ME1: variants seen among roughly 807,000 people sequenced by gnomAD.
The protein encoded by ME1 is malic enzyme 1, also known as NADP-dependent malic enzyme.
ME1 carries 74 observed loss-of-function variants against 66.4 expected under a neutral mutation model. That is an observed-to-expected ratio of 1.11 (90% CI 0.92 to 1.35). The LOEUF is 1.35. ME1 is among the 40% of genes most tolerant of loss of function. The probability of loss-of-function intolerance (pLI) is 0.00; values close to 1 mark genes in which losing one functional copy is unlikely to be tolerated. For synonymous variants in ME1, 251 were observed against 235.6 expected (o/e 1.07, Z -0.60); for missense variants, 750 against 694.1 (o/e 1.08, Z -0.90).
At position 83,299,129 on chromosome 6, in the gene ME1, G is replaced by A. The variant is rs563924234; in HGVS notation, c.704+16181C>T. Among the ~76,000 whole-genome samples, 21 of 151,558 alleles carry A rather than the reference G, an allele frequency of 1.4e-4. No individual in the cohort carries two copies. The South Asian group carries it at 4.2e-3, about 30-fold the overall frequency. ...TTTTAAAGTAGCTTTTTCTAGTTCT[G>A]TGAAGAATGTCAATGGTAGTTTAAT... On this transcript the variant is annotated intron_variant, in intron 6 of 13. Transcript: ENST00000369705.
intron 6 of ME1, among the ~76,000 whole-genome samples, chr6:83,286,986 A>G (rs1186155951): frequency 6.6e-6 from 1 of 152,212 alleles, no homozygotes. Flanking sequence ...TACTATAGGT[A>G]TTAGTCCAAG....
At chr6:83,234,580 G>A (rs1790363047) in intron 9 of ME1, among the ~76,000 whole-genome samples, 1 of 152,092 alleles carries the variant, frequency 6.6e-6, no homozygotes, top group Non-Finnish European at 1.5e-5. Context: ...CAGTTACTAA[G>A]TATGCCACTT....
chr6:83,331,732 C>T (rs1768415643), intron 5 of ME1, among the ~76,000 whole-genome samples: 1 of 152,086 alleles, frequency 6.6e-6, no homozygotes, highest in African/African-American at 2.4e-5. Flanking sequence ...TGATCTTGGA[C>T]TTCCAGCCCC....
In ME1 at chr6:83,315,394, A is replaced by G; in HGVS notation, c.620T>C (p.Leu207Pro). 1.9e-6 allele frequency: 3 copies of G among 1,600,644 alleles called. No individual in the cohort carries two copies. The highest frequency in any genetic ancestry group is 2.6e-6 in the Non-Finnish European group (3 of 1,173,728). Residue 207 changes from leucine to proline, a missense_variant, in exon 6 of 14, where the codon CTC becomes CCC. Coordinates refer to ENST00000369705, the MANE Select transcript of ME1 (RefSeq NM_002395.6). ...TCTTCTCTGCCGTAGTCCAATGTAG[A>G]GTGGATCTTTAAGTAACTCCTATTA... ...TENEELLKDP[L>P]YIGLRQRRVR...
intron 7 of ME1, among the ~76,000 whole-genome samples, chr6:83,251,162 G>A (rs751867024): frequency 1.4e-4 from 22 of 152,184 alleles, no homozygotes; most frequent in Non-Finnish European, 2.9e-4. Flanking sequence ...CCTTCGCAGA[G>A]CTTAAAATTT....
intron 3 of ME1, among the ~76,000 whole-genome samples, chr6:83,390,536 A>T (rs1031718046): frequency 2.0e-5 from 3 of 152,182 alleles, no homozygotes; most frequent in African/African-American, 7.2e-5. Context: ...ACAATTTCAA[A>T]CAGGATTTTT....
intron 3 of ME1, among the ~76,000 whole-genome samples, chr6:83,371,661 T>C (rs1467342519): frequency 6.6e-6 from 1 of 151,984 alleles, no homozygotes; most frequent in African/African-American, 2.4e-5. Context: ...CCAGGGGAGG[T>C]TGCTACTGCT....
At chr6:83,430,846 G>T (rs1285492791) in intron 1 of ME1, 31 bp downstream of exon 1, 3 of 1,567,988 alleles carry the variant, frequency 1.9e-6, no homozygotes, top group Middle Eastern at 1.7e-4. Context: ...GAGAGGGGCC[G>T]ATGGGCGGCC....
Position 83,223,799 on chromosome 6 carries a change from C to A in ME1, c.1410G>T (p.Leu470Phe). Residue 470 changes from leucine to phenylalanine, a missense_variant, in exon 12 of 14, where the codon TTG becomes TTT. Transcript: ENST00000369705. ...GVALGVVACG[L>F]RQITDNIFLT... Reference sequence around the variant, plus strand: ...GGAAAATATTATCTGTGATCTGCCTCAATCCACACGCCACAACACCAAGAG... The same window carrying A: ...GGAAAATATTATCTGTGATCTGCCTAAATCCACACGCCACAACACCAAGAG... 1 of 1,613,544 alleles carries A rather than the reference C, an allele frequency of 6.2e-7. No individual in the cohort carries two copies. Among genetic ancestry groups the A allele is most frequent in the East Asian group, 2.2e-5 (1 of 44,824 alleles).
At chr6:83,221,165 A>C (rs538586197) in intron 12 of ME1, among the ~76,000 whole-genome samples, 3 of 152,308 alleles carry the variant, frequency 2.0e-5, no homozygotes, top group African/African-American at 7.2e-5. Context: ...TCTCAAAAAA[A>C]AAAGATAATC....
intron 3 of ME1, among the ~76,000 whole-genome samples, chr6:83,377,254 T>A (rs1300000643): frequency 6.6e-6 from 1 of 152,200 alleles, no homozygotes; most frequent in Non-Finnish European, 1.5e-5. Context: ...TCTAATTCTT[T>A]GCTTTCAACA....
At chr6:83,243,507 T>C (rs1790548439) in intron 7 of ME1, among the ~76,000 whole-genome samples, 1 of 128,264 alleles carries the variant, frequency 7.8e-6, no homozygotes, top group South Asian at 2.2e-4. Context: ...ATTGATATAA[T>C]CTATTATAAT....
chr6:83,377,879 A>G lies in ME1; in HGVS notation c.362+20488T>C, dbSNP rs572819864. Among the ~76,000 whole-genome samples the G allele has an allele frequency of 5.4e-4, 82 of 152,264 alleles. 1 individual carries two copies. Among genetic ancestry groups the G allele is most frequent in the African/African-American group, 1.9e-3 (78 of 41,578 alleles). ...TAAAATAAATTGCTAGTGGATTCAA[A>G]TAAATTTAAAAAGGTTTGAGGCAAT... On this transcript the variant is annotated intron_variant, in intron 3 of 13. Coordinates refer to ENST00000369705, the MANE Select transcript of ME1 (RefSeq NM_002395.6).
At chr6:83,341,155 T>G (rs1768573869) in intron 5 of ME1, among the ~76,000 whole-genome samples, 2 of 152,040 alleles carry the variant, frequency 1.3e-5, no homozygotes, top group South Asian at 2.1e-4. Flanking sequence ...CAATCATGAC[T>G]AGGTAATGGA....
At chr6:83,334,686 G>A (rs1583388085) in intron 5 of ME1, among the ~76,000 whole-genome samples, 1 of 48,234 alleles carries the variant, frequency 2.1e-5, no homozygotes. Context: ...TAACTGGGAG[G>A]CACCCCCAGC....
At chr6:83,398,598 C>T in intron 2 of ME1, 82 bp from the exon 3 acceptor site, 1 of 714,818 alleles carries the variant, frequency 1.4e-6, no homozygotes, top group Non-Finnish European at 2.3e-6. Context: ...ATATTTTCAA[C>T]CAAGTATAAA....
intron 3 of ME1, among the ~76,000 whole-genome samples, chr6:83,383,840 A>G (rs1769453343): frequency 6.6e-6 from 1 of 151,940 alleles, no homozygotes; most frequent in East Asian, 1.9e-4. Flanking sequence ...GATATCCTTA[A>G]GGATTTAAGT....
chr6:83,393,231 T>C, intron 3 of ME1: 4 of 1,135,376 alleles, frequency 3.5e-6, no homozygotes, highest in Non-Finnish European at 5.3e-6. Context: ...CCTGGGCTAC[T>C]CTGAGCACCA....
intron 1 of ME1, among the ~76,000 whole-genome samples, chr6:83,409,953 G>C (rs1393137531): frequency 6.6e-6 from 1 of 152,112 alleles, no homozygotes; most frequent in Non-Finnish European, 1.5e-5. Flanking sequence ...ATTGTGTCTG[G>C]ACCAATCATC....
Sources: allele counts gnomAD v4.1 joint callset (sites outside exome capture counted in the v4.1 genomes callset), GRCh38; gene constraint gnomAD v4.1.1; transcripts MANE v1.5; gene names NCBI Gene and HGNC (gene_info 2026-07-23, HGNC 2026-07-21).